The following MRTFA variants were observed in gnomAD, a reference collection of about 807,000 sequenced individuals.
MRTFA encodes myocardin related transcription factor A, also known as myocardin-related transcription factor A.
In MRTFA, 20 loss-of-function variants were observed where a neutral mutation model predicts 83.5. That is an observed-to-expected ratio of 0.24 (90% confidence interval 0.17 to 0.35). MRTFA has a LOEUF of 0.35. Among genes scored for constraint, MRTFA ranks in the 10% least tolerant of loss-of-function variants. The pLI, the probability that MRTFA is intolerant of heterozygous loss-of-function variation, is 1.00. For synonymous variants in MRTFA, 659 were observed against 541.2 expected, an observed-to-expected ratio of 1.22 and a Z score of -3.02; for missense variants, 1,200 against 1,224.7, an observed-to-expected ratio of 0.98 and a Z score of 0.30.
At chr22:40,461,529 A>G (rs2053711771) in intron 4 of MRTFA, among the ~76,000 whole-genome samples, 1 of 151,464 alleles carries the variant, frequency 6.6e-6, no homozygotes, top group Non-Finnish European at 1.5e-5. Flanking sequence ...CTCAGGCTGT[A>G]ATCCCAGCAC....
chr22:40,550,987 G>A (rs760307570), intron 3 of MRTFA, among the ~76,000 whole-genome samples: 1 of 151,768 alleles, frequency 6.6e-6, no homozygotes, highest in Non-Finnish European at 1.5e-5. Flanking sequence ...TAGTAGCTGG[G>A]ATTACAAGCA....
At chr22:40,527,825 A>G (rs1335702504) in intron 3 of MRTFA, among the ~76,000 whole-genome samples, 1 of 151,892 alleles carries the variant, frequency 6.6e-6, no homozygotes, top group Non-Finnish European at 1.5e-5. Flanking sequence ...AGACTTTATG[A>G]GTCTCGTCTT....
intron 3 of MRTFA, among the ~76,000 whole-genome samples, chr22:40,519,156 T>C (rs1326728513): frequency 6.6e-6 from 1 of 152,026 alleles, no homozygotes; most frequent in Non-Finnish European, 1.5e-5. Flanking sequence ...TAGTCTAATC[T>C]GTGCTTAAGG....
chr22:40,444,628 C>T (rs1267181164), intron 4 of MRTFA, among the ~76,000 whole-genome samples: 8 of 152,200 alleles, frequency 5.3e-5, no homozygotes, highest in Non-Finnish European at 4.4e-5. Context: ...ATATTTCTCA[C>T]GTGCTATTAA....
intron 3 of MRTFA, among the ~76,000 whole-genome samples, chr22:40,502,441 G>A (rs1230050112): frequency 1.6e-5 from 2 of 125,458 alleles, no homozygotes; most frequent in Non-Finnish European, 3.4e-5. Flanking sequence ...GGGCAGAGGC[G>A]CTCCCCACAT....
chr22:40,587,589 G>A, intron 2 of MRTFA: 1 of 308,032 alleles, frequency 3.2e-6, no homozygotes, highest in Non-Finnish European at 6.5e-6. Context: ...CTGTAGACAT[G>A]ACCAGCACTG....
intron 1 of MRTFA, among the ~76,000 whole-genome samples, chr22:40,613,421 A>G (rs2056409899): frequency 6.6e-6 from 1 of 152,224 alleles, no homozygotes; most frequent in Admixed American, 6.5e-5. Flanking sequence ...CAAACTTTCC[A>G]AAGTGGCTGT....
intron 1 of MRTFA, among the ~76,000 whole-genome samples, chr22:40,627,465 A>C (rs2056595175): frequency 6.6e-6 from 1 of 152,162 alleles, no homozygotes; most frequent in African/African-American, 2.4e-5. Context: ...TTACTATTAT[A>C]GTTTTCCACC....
At chr22:40,470,708 G>A (rs543221033) in intron 3 of MRTFA, among the ~76,000 whole-genome samples, 2 of 152,132 alleles carry the variant, frequency 1.3e-5, no homozygotes, top group Admixed American at 1.3e-4. Context: ...CAGCACTTTG[G>A]GACGCCGAGA....
intron 3 of MRTFA, among the ~76,000 whole-genome samples, chr22:40,490,597 T>TAA (rs762264612): frequency 2.4e-5 from 3 of 122,574 alleles, no homozygotes; most frequent in Non-Finnish European, 5.1e-5. Flanking sequence ...AGATTCCATC[T>TAA]CAAAAAAAAA....
intron 3 of MRTFA, among the ~76,000 whole-genome samples, chr22:40,510,198 AC>A (rs2054645168): frequency 1.3e-5 from 2 of 152,314 alleles, no homozygotes; most frequent in Admixed American, 1.3e-4. Flanking sequence ...AATAACTAGG[AC>A]AACTAAAGTA....
chr22:40,524,787 CTTTA>C (rs547803852), intron 3 of MRTFA, among the ~76,000 whole-genome samples: 116 of 152,246 alleles, frequency 7.6e-4, no homozygotes, highest in African/African-American at 2.6e-3. Flanking sequence ...TTAACATAAG[CTTTA>C]TTTATTTTTG....
Position 40,411,875 on chromosome 22 carries a change from G to T in MRTFA, c.2611C>A (p.Leu871Met). The T allele has an allele frequency of 6.7e-7, 1 of 1,485,704 alleles. No individual in the cohort carries two copies. 92.0% of individuals were successfully genotyped at this position (1,485,704 alleles called of 1,614,324 possible). A position where few individuals can be genotyped will look rare whatever the true frequency, so the allele number is the denominator to read the frequency against. Residue 871 changes from leucine (L) to methionine (M), a missense_variant, in exon 15 of 15, where the codon CTG (leucine) becomes ATG (methionine). Coordinates refer to ENST00000355630, the MANE Select transcript of MRTFA (RefSeq NM_020831.6). ...GGGGATGGCTTCTCCTTCCCTGGCA[G>T]GGATGGCGGCTCCTTGAAATCTGCT...
chr22:40,538,564 TA>T (rs1219878639), intron 3 of MRTFA, among the ~76,000 whole-genome samples: 9 of 76,534 alleles, frequency 1.2e-4, no homozygotes, highest in Non-Finnish European at 1.9e-4. Flanking sequence ...GAATTATCAA[TA>T]AAAAAATAAA....
chr22:40,424,700 C>A (rs1354480089), intron 7 of MRTFA, among the ~76,000 whole-genome samples: 1 of 152,218 alleles, frequency 6.6e-6, no homozygotes, highest in Non-Finnish European at 1.5e-5. Context: ...TTGTCCCTCC[C>A]TCCCTTGCTC....
At chr22:40,508,513 CAAAAAAAAAAAAAAA>C (rs1175724448) in intron 3 of MRTFA, among the ~76,000 whole-genome samples, 4 of 26,040 alleles carry the variant, frequency 1.5e-4, no homozygotes, top group African/African-American at 3.9e-4. Context: ...CTCCGTCTCT[CAAAAAAAAAAAAAAA>C]AAAAAAAAAA....
At chr22:40,452,166 G>C (rs1258312369) in intron 4 of MRTFA, among the ~76,000 whole-genome samples, 4 of 151,870 alleles carry the variant, frequency 2.6e-5, no homozygotes, top group African/African-American at 7.3e-5. Flanking sequence ...TGTATTTTTA[G>C]TAGAGACAGA....
intron 3 of MRTFA, among the ~76,000 whole-genome samples, chr22:40,549,636 A>C (rs1444794774): frequency 1.3e-5 from 2 of 152,224 alleles, no homozygotes; most frequent in East Asian, 1.9e-4. Flanking sequence ...AGTAGTTACT[A>C]ACAGGTGTAC....
intron 2 of MRTFA, among the ~76,000 whole-genome samples, chr22:40,563,489 T>C (rs1040294231): frequency 1.4e-5 from 2 of 138,762 alleles, no homozygotes; most frequent in Non-Finnish European, 3.1e-5. Context: ...ATATACAAAG[T>C]CAGCACAGAT....
Sources: allele counts gnomAD v4.1 joint callset (sites outside exome capture counted in the v4.1 genomes callset), GRCh38; gene constraint gnomAD v4.1.1; transcripts MANE v1.5; gene names NCBI Gene and HGNC (gene_info 2026-07-23, HGNC 2026-07-21).